TUT1: variants seen among roughly 807,000 people sequenced by gnomAD.
TUT1 encodes the protein speckle targeted PIP5K1A-regulated poly(A) polymerase.
In TUT1, 26 loss-of-function variants were observed where a neutral mutation model predicts 48.8. That is an observed-to-expected ratio of 0.53 (90% confidence interval 0.39 to 0.74). The LOEUF (loss-of-function observed/expected upper bound fraction) is 0.74, where lower values mean the gene tolerates loss of function less well. TUT1 is among the 30% of genes least tolerant of loss of function. The pLI, the probability that TUT1 is intolerant of heterozygous loss-of-function variation, is 0.00. For synonymous variants in TUT1, 470 were observed against 460.8 expected, an observed-to-expected ratio of 1.02 and a Z score of -0.26; for missense variants, 1,065 against 1,114.8, an observed-to-expected ratio of 0.96 and a Z score of 0.64.
At chr11:62,582,843 A>T (rs1272604743) in intron 2 of TUT1, among the ~76,000 whole-genome samples, 1 of 152,188 alleles carries the variant, frequency 6.6e-6, no homozygotes, top group Non-Finnish European at 1.5e-5. Context: ...AAATCAATTC[A>T]TGCAGCTGGG....
intron 2 of TUT1, among the ~76,000 whole-genome samples, chr11:62,585,434 C>A (rs1941895611): frequency 6.6e-6 from 1 of 152,182 alleles, no homozygotes; most frequent in Admixed American, 6.5e-5. Context: ...GTAACCAAAG[C>A]CCCAGATGGA....
Position 62,581,680 on chromosome 11 carries a change from T to C in TUT1, c.295A>G (p.Met99Val). The C allele has an allele frequency of 6.8e-7, 1 of 1,472,898 alleles. No individual in the cohort carries two copies. Among genetic ancestry groups the C allele is most frequent in the Non-Finnish European group, 9.0e-7 (1 of 1,110,474 alleles). The allele number at this position is 1,472,898 out of a possible 1,614,324, so 91.2% of individuals were successfully genotyped here. A position where few individuals can be genotyped will look rare whatever the true frequency, so the allele number is the denominator to read the frequency against. Reference sequence around the variant, plus strand: ...GCCTCTCGAGCACCCACGTCCCCCATCTCCACAATGGCAAACACTCCCTGG... The same window carrying C: ...GCCTCTCGAGCACCCACGTCCCCCACCTCCACAATGGCAAACACTCCCTGG... ...KDKGVFAIVEMGDVGAREAVL... is the reference protein window; with the variant it reads ...KDKGVFAIVEVGDVGAREAVL... Residue 99 changes from methionine to valine, a missense_variant, in exon 3 of 9, where the codon ATG (methionine) becomes GTG (valine). Met to Val is a conservative substitution (Grantham distance 21). Transcript: ENST00000476907.
In TUT1 at chr11:62,577,172, C is replaced by T; in HGVS notation, c.1270+10G>A. On this transcript the variant is annotated intron_variant, in intron 6 of 8. Coordinates refer to ENST00000476907, the MANE Select transcript of TUT1 (RefSeq NM_022830.3). ...AACTCAGCCCCAAGTCTGTCCTGAT[C>T]CATTCTCACCTGACAGCCCCCGACC... 2 of 1,607,544 alleles carry T rather than the reference C, an allele frequency of 1.2e-6. No homozygotes were observed. The highest frequency in any genetic ancestry group is 1.7e-6 in the Non-Finnish European group (2 of 1,177,532).
intron 4 of TUT1, 24 bp from the exon 5 acceptor site, chr11:62,579,054 G>C: frequency 6.8e-7 from 1 of 1,472,198 alleles, no homozygotes; most frequent in Middle Eastern, 2.4e-4. Context: ...TGAACTGAGT[G>C]AAATGTTTCT....
At chr11:62,576,460 G>A in intron 8 of TUT1, 197 bp downstream of exon 8, 3 of 782,524 alleles carry the variant, frequency 3.8e-6, no homozygotes, top group Non-Finnish European at 4.0e-6. Context: ...GCTGCTCCTT[G>A]CTAGCCAGTG....
intron 4 of TUT1, among the ~76,000 whole-genome samples, chr11:62,580,799 G>C (rs1377942903): frequency 6.6e-6 from 1 of 151,378 alleles, no homozygotes; most frequent in East Asian, 2.0e-4. Flanking sequence ...TAGAGATGGG[G>C]GTTTCACTAT....
At chr11:62,583,562 A>G (rs1941864934) in intron 2 of TUT1, among the ~76,000 whole-genome samples, 1 of 152,052 alleles carries the variant, frequency 6.6e-6, no homozygotes, top group South Asian at 2.1e-4. Flanking sequence ...TGTGCATTGT[A>G]CTCCAGTCTG....
In TUT1 at chr11:62,575,662, T is replaced by TC; in HGVS notation, c.2056dup (p.Glu686GlyfsTer59). 1 of 1,614,104 alleles carries TC rather than the reference T, an allele frequency of 6.2e-7. No homozygotes were observed. Among genetic ancestry groups the TC allele is most frequent in the Non-Finnish European group, 8.5e-7 (1 of 1,180,020 alleles). ...TATAACCATCTCTTCTACCCTGTCTTCCCCACCGTCCCCTGCACATCCCTG... is the reference window on the plus strand; with the variant it reads ...TATAACCATCTCTTCTACCCTGTCTTCCCCCACCGTCCCCTGCACATCCCTG... On this transcript the variant is annotated frameshift_variant, in exon 9 of 9. Transcript: ENST00000476907. LOFTEE classifies it low-confidence loss of function (END_TRUNC).
intron 2 of TUT1, among the ~76,000 whole-genome samples, chr11:62,583,582 G>A (rs1328097653): frequency 6.6e-6 from 1 of 151,792 alleles, no homozygotes; most frequent in African/African-American, 2.4e-5. Context: ...GTCCAGTCTG[G>A]ACAACAAGAG....
rs374961982 is a variant in TUT1, at chr11:62,576,679, G to A, written c.1452C>T (p.Pro484=). 1.5e-5 allele frequency: 25 copies of A among 1,614,032 alleles called. No homozygotes were observed. Among genetic ancestry groups the A allele is most frequent in the Non-Finnish European group, 1.9e-5 (22 of 1,180,024 alleles). ...CACTGAGGGGCTCCACATTTATGCT[G>A]GGCTCCAGTCTTGAGGCATCCCTGG... The part of the protein sequence containing the change: ...SFPRDASRLE[P]SINVEPLSSL... The change falls in exon 8 of 9, where the codon CCC becomes CCT. Residue 484 remains proline, a synonymous_variant. Coordinates refer to ENST00000476907, the MANE Select transcript of TUT1 (RefSeq NM_022830.3).
rs546734310 is a variant in TUT1 at position 62,578,481 on chromosome 11, G to T, written c.1160+80C>A. ...AATCACTTCAACCTGGGAGGCAGAGGTTGCAGAGAGCCAAGATGGCACCAC... is the reference window on the plus strand; with the variant it reads ...AATCACTTCAACCTGGGAGGCAGAGTTTGCAGAGAGCCAAGATGGCACCAC... On this transcript the variant is annotated intron_variant, in intron 5 of 8. Coordinates refer to ENST00000476907, the MANE Select transcript of TUT1 (RefSeq NM_022830.3). 246 of 1,338,776 alleles carry T rather than the reference G, an allele frequency of 1.8e-4. 1 individual carries two copies. The highest frequency in any genetic ancestry group is 9.2e-4 in the Middle Eastern group (4 of 4,344). 82.9% of individuals were successfully genotyped at this position (1,338,776 alleles called of 1,614,324 possible). A position where few individuals can be genotyped will look rare whatever the true frequency, so the allele number is the denominator to read the frequency against.
In TUT1 at chr11:62,575,182, G is replaced by A; in HGVS notation, c.2537C>T (p.Thr846Ile). 6.2e-7 allele frequency: 1 copy of A among 1,611,344 alleles called. No homozygotes were observed. The highest frequency in any genetic ancestry group is 8.5e-7 in the Non-Finnish European group (1 of 1,177,684). The change falls in exon 9 of 9, where the codon ACC becomes ATC. Residue 846 changes from threonine to isoleucine, a missense_variant. Coordinates refer to ENST00000476907, the MANE Select transcript of TUT1 (RefSeq NM_022830.3). ...CAGGCCTTGGGGATCCTGGAGCGGG[G>A]TCACAGTGAGCATTCGGTCAGCCGG... ...VSPADRMLTVTPLQDPQGLFP... is the reference protein window; with the variant it reads ...VSPADRMLTVIPLQDPQGLFP...
intron 1 of TUT1, among the ~76,000 whole-genome samples, chr11:62,590,650 A>G (rs1467662082): frequency 6.6e-6 from 1 of 151,780 alleles, no homozygotes; most frequent in South Asian, 2.1e-4. Context: ...AAAAAAAAAA[A>G]AAGAAAAAAG....
At position 62,575,112 on chromosome 11, in the gene TUT1, T is replaced by G; in HGVS notation, c.2607A>C (p.Ala869=). 1 of 1,566,040 alleles carries G rather than the reference T, an allele frequency of 6.4e-7. No individual in the cohort carries two copies. The highest frequency in any genetic ancestry group is 8.7e-7 in the Non-Finnish European group (1 of 1,154,714). ...HHFLQVFLPQ[A]IRHLK Reference sequence around the variant, plus strand: ...CATGTCTTCACTTGAGATGTCGAATTGCTTGAGGGAGGAAAACCTGTAAGA... The same window carrying G: ...CATGTCTTCACTTGAGATGTCGAATGGCTTGAGGGAGGAAAACCTGTAAGA... The change falls in exon 9 of 9, where the codon GCA becomes GCC. Residue 869 remains alanine, a synonymous_variant. Coordinates refer to ENST00000476907, the MANE Select transcript of TUT1 (RefSeq NM_022830.3).
chr11:62,585,224 G>A (rs1309607792), intron 2 of TUT1, among the ~76,000 whole-genome samples: 5 of 152,042 alleles, frequency 3.3e-5, no homozygotes, highest in African/African-American at 4.8e-5. Context: ...GGGCTCAAGC[G>A]AACCTCCCGC....
chr11:62,591,358 C>G (rs765519166), intron 1 of TUT1, 46 bp downstream of exon 1: 1 of 1,503,442 alleles, frequency 6.7e-7, no homozygotes, highest in African/African-American at 1.4e-5. Flanking sequence ...GATCAAAAGA[C>G]GAAAGCCCGC....
At chr11:62,590,971 A>C (rs375659498) in intron 1 of TUT1, among the ~76,000 whole-genome samples, 3 of 151,764 alleles carry the variant, frequency 2.0e-5, no homozygotes, top group Admixed American at 6.6e-5. Context: ...CCCTCCTTTG[A>C]GTAGGTCCTC....
chr11:62,576,563 T>G, intron 8 of TUT1, 94 bp downstream of exon 8: 21 of 1,130,174 alleles, frequency 1.9e-5, no homozygotes, highest in Non-Finnish European at 2.6e-5. Flanking sequence ...AGGCTTTCTG[T>G]GAGAACCATG....
In TUT1 at chr11:62,581,705, G is replaced by C; in HGVS notation, c.274-4C>G. 1 of 1,440,730 alleles carries C rather than the reference G, an allele frequency of 6.9e-7. No individual in the cohort carries two copies. The highest frequency in any genetic ancestry group is 1.5e-5 in the South Asian group (1 of 65,090). 89.2% of individuals were successfully genotyped at this position (1,440,730 alleles called of 1,614,324 possible). On this transcript the variant is annotated splice_polypyrimidine_tract_variant and splice_region_variant and intron_variant, in intron 2 of 8. Coordinates refer to ENST00000476907, the MANE Select transcript of TUT1 (RefSeq NM_022830.3). The stretch of plus-strand genomic sequence containing the variant: ...TCTCCACAATGGCAAACACTCCCTG[G>C]TAAACAACAGGGGCAGAGATGATGA...
Sources: gnomAD v4.1 joint callset for allele counts (sites outside exome capture counted in the v4.1 genomes callset) on GRCh38, gnomAD v4.1.1 for gene constraint, MANE v1.5 for transcripts, NCBI Gene and HGNC (gene_info 2026-07-23, HGNC 2026-07-21) for gene names.